The following KCNA2 variants were observed in gnomAD, a reference collection of about 807,000 sequenced individuals.
KCNA2 encodes potassium channel, voltage gated shaker related subfamily A, member 2.
Under a neutral mutation model 33.4 loss-of-function variants are expected in KCNA2, and 11 were observed. The observed-to-expected ratio is 0.33, with a 90% CI of 0.21 to 0.55. KCNA2 has a LOEUF of 0.55. KCNA2 is among the 20% of genes least tolerant of loss of function. KCNA2 has a pLI of 0.93. For synonymous variants in KCNA2, 222 were observed against 231.3 expected (o/e 0.96, Z 0.37); for missense variants, 291 against 621.6 (o/e 0.47, Z 5.66).
chr1:110,618,971 A>G (rs892190533), intron 1 of KCNA2, among the ~76,000 whole-genome samples: 3 of 152,178 alleles, frequency 2.0e-5, no homozygotes, highest in Admixed American at 6.5e-5. Flanking sequence ...GATTTTATAA[A>G]CAACATAAAT....
intron 1 of KCNA2, among the ~76,000 whole-genome samples, chr1:110,626,952 C>A (rs763068486): frequency 6.6e-6 from 1 of 152,184 alleles, no homozygotes; most frequent in African/African-American, 2.4e-5. Context: ...ATGACGATGA[C>A]GATGATGATG....
At chr1:110,615,187 G>A (rs2101442509) in intron 1 of KCNA2, among the ~76,000 whole-genome samples, 1 of 152,260 alleles carries the variant, frequency 6.6e-6, no homozygotes, top group East Asian at 1.9e-4. Context: ...GCACCCAAAG[G>A]CGACCTGTAA....
rs1649021124 is a variant in KCNA2 at position 110,594,678 on chromosome 1, A to T, written c.*8605T>A. The T allele has an allele frequency of 1.0e-6, 1 of 985,296 alleles. No homozygotes were observed. Among genetic ancestry groups the T allele is most frequent in the Admixed American group, 6.2e-5 (1 of 16,246 alleles). The allele number at this position is 985,296 out of a possible 1,614,324, so 61.0% of individuals were successfully genotyped here. ...ACCATCCAAGCACGACAACAAAAGG[A>T]AACTGGGTCGCTGGATCCCACGTGA... On this transcript the variant is annotated 3_prime_UTR_variant, in exon 3 of 3. Transcript: ENST00000316361.
chr1:110,601,677 C>T lies in KCNA2; in HGVS notation c.*1606G>A. 9.3e-7 allele frequency: 1 copy of T among 1,077,094 alleles called. No homozygotes were observed. Among genetic ancestry groups the T allele is most frequent in the Non-Finnish European group, 1.1e-6 (1 of 890,844 alleles). 66.7% of individuals were successfully genotyped at this position (1,077,094 alleles called of 1,614,324 possible). ...TGAGGCAATGGCAGCAAACCCAGGC[C>T]CAGTGGGGTTACCAATGAGACAAAT... On this transcript the variant is annotated 3_prime_UTR_variant, in exon 3 of 3. Transcript: ENST00000316361.
rs2101354283 is a variant in KCNA2, at chr1:110,595,511, A to G, written c.*7772T>C. ...CTGCACCACTTCAATTGCTCCAGAT[A>G]CAGTGAAAAATCCCTCCCACTCCCA... On this transcript the variant is annotated 3_prime_UTR_variant, in exon 3 of 3. Transcript: ENST00000316361. 1 of 985,452 alleles carries G rather than the reference A, an allele frequency of 1.0e-6. No homozygotes were observed. The highest frequency in any genetic ancestry group is 5.2e-4 in the Middle Eastern group (1 of 1,914). The allele number at this position is 985,452 out of a possible 1,614,324, so 61.0% of individuals were successfully genotyped here.
In KCNA2 at chr1:110,595,108, G is replaced by A; in HGVS notation, c.*8175C>T. On this transcript the variant is annotated 3_prime_UTR_variant, in exon 3 of 3. Transcript: ENST00000316361. ...AGAAAGACACCAGACTGAGTCCTCT[G>A]GATAGCTACCAAGGGTCCTAGCACA... The A allele has an allele frequency of 2.0e-6, 2 of 985,304 alleles. No homozygotes were observed. Among genetic ancestry groups the A allele is most frequent in the African/African-American group, 3.5e-5 (2 of 57,308 alleles). The allele number at this position is 985,304 out of a possible 1,614,324, so 61.0% of individuals were successfully genotyped here.
chr1:110,601,413 A>C lies in KCNA2; in HGVS notation c.*1870T>G, dbSNP rs1649337002. 1.3e-5 allele frequency: 13 copies of C among 985,348 alleles called. No individual in the cohort carries two copies. Among genetic ancestry groups the C allele is most frequent in the Non-Finnish European group, 1.6e-5 (13 of 829,964 alleles). The allele number at this position is 985,348 out of a possible 1,614,324, so 61.0% of individuals were successfully genotyped here. On this transcript the variant is annotated 3_prime_UTR_variant, in exon 3 of 3. Transcript: ENST00000316361. ...AGGTTTGTGAAAGTGACGGATGCAG[A>C]GCCAAATGATAATAAGATCCAAGTG...
At position 110,601,166 on chromosome 1, in the gene KCNA2, C is replaced by A. The variant is rs1010942849; in HGVS notation, c.*2117G>T. ...CCATCCTTTGGTTCTTTTTAAAAAG[C>A]AGCTCTGGTTGCCAGTTTAATGGGG... On this transcript the variant is annotated 3_prime_UTR_variant, in exon 3 of 3. Transcript: ENST00000316361. 2 of 985,406 alleles carry A rather than the reference C, an allele frequency of 2.0e-6. No homozygotes were observed. The highest frequency in any genetic ancestry group is 1.2e-6 in the Non-Finnish European group (1 of 829,966). The allele number at this position is 985,406 out of a possible 1,614,324, so 61.0% of individuals were successfully genotyped here.
intron 1 of KCNA2, among the ~76,000 whole-genome samples, chr1:110,626,705 C>T (rs951563437): frequency 1.6e-4 from 25 of 152,278 alleles, no homozygotes; most frequent in African/African-American, 5.5e-4. Context: ...GTATAAACTC[C>T]TACACCTGTC....
intron 1 of KCNA2, among the ~76,000 whole-genome samples, chr1:110,627,791 C>T (rs1283613153): frequency 6.6e-6 from 1 of 151,520 alleles, no homozygotes; most frequent in Non-Finnish European, 1.5e-5. Flanking sequence ...GATCCCACCA[C>T]TGCACTCCAG....
At chr1:110,605,067 A>C in intron 2 of KCNA2, 122 bp from the exon 3 acceptor site, 2 of 441,298 alleles carry the variant, frequency 4.5e-6, no homozygotes, top group East Asian at 3.8e-5. Context: ...CACCACCACA[A>C]CGACAAAGCA....
chr1:110,601,517 C>G lies in KCNA2; in HGVS notation c.*1766G>C. Reference sequence around the variant, plus strand: ...GGCCCGGGGTGGGTCTGGCCCAGGACAGCTGGAACTGTGAGGGCCACAGGG... The same window carrying G: ...GGCCCGGGGTGGGTCTGGCCCAGGAGAGCTGGAACTGTGAGGGCCACAGGG... On this transcript the variant is annotated 3_prime_UTR_variant, in exon 3 of 3. Coordinates refer to ENST00000316361, the MANE Select transcript of KCNA2 (RefSeq NM_004974.4). 2.0e-6 allele frequency: 2 copies of G among 986,266 alleles called. No individual in the cohort carries two copies. The highest frequency in any genetic ancestry group is 2.4e-6 in the Non-Finnish European group (2 of 830,576). 61.1% of individuals were successfully genotyped at this position (986,266 alleles called of 1,614,324 possible).
In KCNA2 at chr1:110,599,808, T is replaced by C. The variant is rs1385763307; in HGVS notation, c.*3475A>G. 1 of 985,566 alleles carries C rather than the reference T, an allele frequency of 1.0e-6. No individual in the cohort carries two copies. The allele number at this position is 985,566 out of a possible 1,614,324, so 61.1% of individuals were successfully genotyped here. A position where few individuals can be genotyped will look rare whatever the true frequency, so the allele number is the denominator to read the frequency against. ...GTGCTGGGAGAAGGGGAGCCTGGGCTATTGGGTTGTCTGTGCGGATTTGCT... is the reference window on the plus strand; with the variant it reads ...GTGCTGGGAGAAGGGGAGCCTGGGCCATTGGGTTGTCTGTGCGGATTTGCT... On this transcript the variant is annotated 3_prime_UTR_variant, in exon 3 of 3. Transcript: ENST00000316361.
rs1649495097 is a variant in KCNA2, at chr1:110,604,252, A to G, written c.531T>C (p.Ile177=). The G allele has an allele frequency of 1.2e-6, 2 of 1,614,204 alleles. No homozygotes were observed. The highest frequency in any genetic ancestry group is 1.7e-6 in the Non-Finnish European group (2 of 1,180,030). Residue 177 remains isoleucine, a synonymous_variant, in exon 3 of 3, where the codon ATT becomes ATC. Transcript: ENST00000316361. This position sits in a 1 kb window ranked among gnomAD's most constrained non-coding sequence, Gnocchi z 7.6. ...GCAATGTTTCCAGACAGAAGCTGAC[A>G]ATTGAGATCAGAATCACCATGACAG... The part of the protein sequence containing the change: ...IVSVMVILIS[I]VSFCLETLPI...
chr1:110,598,768 G>A lies in KCNA2; in HGVS notation c.*4515C>T, dbSNP rs1649210061. On this transcript the variant is annotated 3_prime_UTR_variant, in exon 3 of 3. Transcript: ENST00000316361. ...GGGACAGAGGCAAGCAGAGAAGAAG[G>A]AAGAGAGCATGTCAAATATTACTGA... The A allele has an allele frequency of 1.0e-6, 1 of 985,322 alleles. No homozygotes were observed. Among genetic ancestry groups the A allele is most frequent in the Middle Eastern group, 5.2e-4 (1 of 1,914 alleles). 61.0% of individuals were successfully genotyped at this position (985,322 alleles called of 1,614,324 possible).
Position 110,593,972 on chromosome 1 carries a change from T to A in KCNA2, c.*9311A>T. On this transcript the variant is annotated 3_prime_UTR_variant, in exon 3 of 3. Transcript: ENST00000316361. Reference sequence around the variant, plus strand: ...AACAAATAGTTAAATGACTCCCAACTCCCATGAGTCTTCCCCGCAAGTCCT... The same window carrying A: ...AACAAATAGTTAAATGACTCCCAACACCCATGAGTCTTCCCCGCAAGTCCT... The A allele has an allele frequency of 6.5e-7, 1 of 1,548,870 alleles. No individual in the cohort carries two copies. Among genetic ancestry groups the A allele is most frequent in the Non-Finnish European group, 8.7e-7 (1 of 1,146,270 alleles).
chr1:110,598,245 G>T lies in KCNA2; in HGVS notation c.*5038C>A, dbSNP rs1649187505. 2 of 558,292 alleles carry T rather than the reference G, an allele frequency of 3.6e-6. No individual in the cohort carries two copies. Among genetic ancestry groups the T allele is most frequent in the South Asian group, 7.8e-5 (1 of 12,752 alleles). The allele number at this position is 558,292 out of a possible 1,614,324, so 34.6% of individuals were successfully genotyped here. A position where few individuals can be genotyped will look rare whatever the true frequency, so the allele number is the denominator to read the frequency against. Reference sequence around the variant, plus strand: ...CCCACATACAAGTTATTATGACAATGGGCCCCAGGAAAGCTCTGGGGAGCA... The same window carrying T: ...CCCACATACAAGTTATTATGACAATTGGCCCCAGGAAAGCTCTGGGGAGCA... On this transcript the variant is annotated 3_prime_UTR_variant, in exon 3 of 3. Coordinates refer to ENST00000316361, the MANE Select transcript of KCNA2 (RefSeq NM_004974.4).
upstream of KCNA2, chr1:110,607,296 A>G (rs1649693621): frequency 6.6e-6 from 1 of 151,702 alleles, no homozygotes; most frequent in Non-Finnish European, 1.5e-5. Flanking sequence ...GGTTACGGCC[A>G]GCGCCGGCAG....
At chr1:110,615,151 C>A (rs1245231345) in intron 1 of KCNA2, among the ~76,000 whole-genome samples, 1 of 152,104 alleles carries the variant, frequency 6.6e-6, no homozygotes, top group African/African-American at 2.4e-5. Flanking sequence ...AAATGACTGG[C>A]CCTACTGGAA....
Sources: allele counts gnomAD v4.1 joint callset (sites outside exome capture counted in the v4.1 genomes callset), GRCh38; gene constraint gnomAD v4.1.1; non-coding constraint Gnocchi (gnomAD v3.1); transcripts MANE v1.5; gene names NCBI Gene and HGNC (gene_info 2026-07-23, HGNC 2026-07-21).